The following DPYD variants were observed in gnomAD, a reference collection of about 807,000 sequenced individuals.
The protein encoded by DPYD is dihydropyrimidine dehydrogenase [NADP(+)].
DPYD carries 109 observed loss-of-function variants against 116.2 expected under a neutral mutation model. The ratio of observed to expected loss-of-function variants is 0.94; its 90% CI spans 0.80 to 1.10. The LOEUF is 1.10. DPYD is among the 50% of genes least tolerant of loss of function. DPYD has a pLI of 0.00. For missense variants in DPYD, 1,302 were observed against 1,254.5 expected, an observed-to-expected ratio of 1.04 and a Z score of -0.57; for synonymous variants, 440 against 432.0, an observed-to-expected ratio of 1.02 and a Z score of -0.23.
chr1:97,919,778 TC>T (rs1415373839), intron 1 of DPYD, among the ~76,000 whole-genome samples: 1 of 152,174 alleles, frequency 6.6e-6, no homozygotes, highest in Non-Finnish European at 1.5e-5. Flanking sequence ...ACCAGAGATG[TC>T]CACATAATAC....
At chr1:97,251,995 T>A (rs528938473) in intron 18 of DPYD, among the ~76,000 whole-genome samples, 82 of 152,212 alleles carry the variant, frequency 5.4e-4, no homozygotes, top group Non-Finnish European at 1.0e-3. Context: ...TTTGAGTATA[T>A]CTTTACCTCT....
chr1:97,720,982 A>G (rs1305498441), intron 5 of DPYD: 20 of 1,584,788 alleles, frequency 1.3e-5, no homozygotes, highest in Non-Finnish European at 1.7e-5. Context: ...TACATTTTTT[A>G]CCCAAATAAA....
chr1:97,413,460 T>C (rs889307992), intron 14 of DPYD, among the ~76,000 whole-genome samples: 2 of 152,110 alleles, frequency 1.3e-5, no homozygotes, highest in Admixed American at 6.5e-5. Flanking sequence ...AGTTTTTCGT[T>C]GTTTTTTTGT....
intron 16 of DPYD, among the ~76,000 whole-genome samples, chr1:97,317,356 T>C (rs1178726096): frequency 1.3e-5 from 2 of 152,052 alleles, no homozygotes; most frequent in East Asian, 3.9e-4. Context: ...CCCCAGCAGG[T>C]TTCCTAATCA....
chr1:97,310,321 C>T (rs923336040), intron 16 of DPYD, among the ~76,000 whole-genome samples: 10 of 151,728 alleles, frequency 6.6e-5, no homozygotes, highest in Admixed American at 6.6e-4. Flanking sequence ...ACCAATTTCA[C>T]CTTCTTAATT....
intron 15 of DPYD, among the ~76,000 whole-genome samples, chr1:97,376,187 T>C (rs969406368): frequency 2.0e-5 from 3 of 152,196 alleles, no homozygotes; most frequent in Admixed American, 2.0e-4. Context: ...TAGCTGATAG[T>C]AGGGTCTTGA....
At chr1:97,672,566 G>T (rs1486563657) in intron 8 of DPYD, among the ~76,000 whole-genome samples, 1 of 152,130 alleles carries the variant, frequency 6.6e-6, no homozygotes, top group Admixed American at 6.6e-5. Context: ...ATTAAGTCAG[G>T]TTTATTTTTT....
chr1:97,279,865 G>C (rs1339828520), intron 18 of DPYD: 3 of 152,226 alleles, frequency 2.0e-5, no homozygotes, highest in African/African-American at 7.2e-5. Flanking sequence ...GGCTGTAATT[G>C]AGACAGGAAA....
intron 2 of DPYD, among the ~76,000 whole-genome samples, chr1:97,843,474 C>G (rs1670136375): frequency 6.6e-6 from 1 of 152,156 alleles, no homozygotes; most frequent in African/African-American, 2.4e-5. Flanking sequence ...AAGCCATCAT[C>G]TATGGAGCCT....
chr1:97,679,088 T>A lies in DPYD; in HGVS notation c.850+7A>T. 7.0e-7 allele frequency: 1 copy of A among 1,420,978 alleles called. No individual in the cohort carries two copies. Among genetic ancestry groups the A allele is most frequent in the Non-Finnish European group, 9.7e-7 (1 of 1,027,712 alleles). The allele number at this position is 1,420,978 out of a possible 1,614,324, so 88.0% of individuals were successfully genotyped here. The stretch of plus-strand genomic sequence containing the variant: ...TAAATAAATATATTTAAGAGTAAAC[T>A]ACTCACCTATTCCAATGAAAGCAGC... On this transcript the variant is annotated splice_region_variant and intron_variant, in intron 8 of 22. Transcript: ENST00000370192.
At chr1:97,472,042 T>A (rs1677692566) in intron 13 of DPYD, among the ~76,000 whole-genome samples, 1 of 151,440 alleles carries the variant, frequency 6.6e-6, no homozygotes. Flanking sequence ...CATATTTAGC[T>A]TGGATAAGGA....
At chr1:97,366,108 A>G (rs1299744688) in intron 16 of DPYD, among the ~76,000 whole-genome samples, 2 of 152,330 alleles carry the variant, frequency 1.3e-5, no homozygotes, top group Non-Finnish European at 2.9e-5. Flanking sequence ...AATAACTATA[A>G]TTGAAAAACT....
chr1:97,685,210 ACT>A (rs1251539883), intron 7 of DPYD, among the ~76,000 whole-genome samples: 1 of 152,196 alleles, frequency 6.6e-6, no homozygotes, highest in African/African-American at 2.4e-5. Context: ...AATAAATGTA[ACT>A]CATCACATAA....
chr1:97,539,936 G>C (rs1002238941), intron 12 of DPYD, among the ~76,000 whole-genome samples: 4 of 151,966 alleles, frequency 2.6e-5, no homozygotes, highest in South Asian at 4.2e-4. Flanking sequence ...GCTAATACTA[G>C]AACAAAGTAA....
At chr1:97,325,722 T>C (rs1487812648) in intron 16 of DPYD, among the ~76,000 whole-genome samples, 3 of 151,912 alleles carry the variant, frequency 2.0e-5, no homozygotes, top group African/African-American at 7.2e-5. Context: ...TGATTGTAGT[T>C]TGGAATCTTG....
At chr1:97,698,473 T>C (rs1295502035) in intron 6 of DPYD, among the ~76,000 whole-genome samples, 1 of 151,914 alleles carries the variant, frequency 6.6e-6, no homozygotes, top group East Asian at 1.9e-4. Flanking sequence ...CAAATTTTAG[T>C]AACAAATTTG....
intron 3 of DPYD, among the ~76,000 whole-genome samples, chr1:97,827,258 A>G (rs759078856): frequency 5.9e-5 from 9 of 152,130 alleles, no homozygotes; most frequent in Non-Finnish European, 4.4e-5. Flanking sequence ...GAGCATTAAG[A>G]TAGAAGAAGG....
Position 97,880,975 on chromosome 1 carries a change from T to A in DPYD, c.150+2289A>T, listed in dbSNP as rs77184978. On this transcript the variant is annotated intron_variant, in intron 2 of 22. Transcript: ENST00000370192. ...TTCCCCTACATTTGTCTCCATTGAG[T>A]AAATAATGCCTAAGATAATCCTCTT... 1.3e-3 allele frequency among the ~76,000 whole-genome samples: 205 copies of A among 152,134 alleles called. 6 individuals are homozygous for A. The East Asian group carries it at 0.035, about 26-fold the overall frequency.
rs1270349332 is a variant in DPYD at position 97,627,799 on chromosome 1, A to G, written c.851-32633T>C. Among the ~76,000 whole-genome samples the G allele has an allele frequency of 2.6e-5, 4 of 151,738 alleles. No individual in the cohort carries two copies. In the East Asian group the frequency reaches 5.8e-4, roughly 22 times the overall value. Reference sequence around the variant, plus strand: ...CATCATTAGCAGATTATCATCTGATATAACATTACTAATAGTATTATATAT... The same window carrying G: ...CATCATTAGCAGATTATCATCTGATGTAACATTACTAATAGTATTATATAT... On this transcript the variant is annotated intron_variant, in intron 8 of 22. Transcript: ENST00000370192.
Sources: gnomAD v4.1 joint callset for allele counts (sites outside exome capture counted in the v4.1 genomes callset) on GRCh38, gnomAD v4.1.1 for gene constraint, MANE v1.5 for transcripts, NCBI Gene and HGNC (gene_info 2026-07-23, HGNC 2026-07-21) for gene names.